The following RHOBTB1 variants were observed in gnomAD, a reference collection of about 807,000 sequenced individuals.
The protein encoded by RHOBTB1 is Rho related BTB domain containing 1.
A neutral mutation model predicts 71.6 loss-of-function variants in RHOBTB1; 40 were observed. The observed-to-expected ratio is 0.56, with a 90% CI of 0.43 to 0.73. The LOEUF (loss-of-function observed/expected upper bound fraction) is 0.73, where lower values mean the gene tolerates loss of function less well. Among genes scored for constraint, RHOBTB1 ranks in the 30% least tolerant of loss-of-function variants. The pLI, the probability that RHOBTB1 is intolerant of heterozygous loss-of-function variation, is 0.00. For missense variants in RHOBTB1, 797 were observed against 894.0 expected, an observed-to-expected ratio of 0.89 and a Z score of 1.38; for synonymous variants, 319 against 334.9, an observed-to-expected ratio of 0.95 and a Z score of 0.52.
At chr10:60,943,110 A>G (rs2085001546) in intron 1 of RHOBTB1, among the ~76,000 whole-genome samples, 1 of 152,132 alleles carries the variant, frequency 6.6e-6, no homozygotes, top group Non-Finnish European at 1.5e-5. Context: ...GCCCCCAGCA[A>G]TTGTGTACAG....
intron 2 of RHOBTB1, among the ~76,000 whole-genome samples, chr10:60,920,345 A>C (rs1456877918): frequency 6.6e-6 from 1 of 152,142 alleles, no homozygotes; most frequent in Non-Finnish European, 1.5e-5. Context: ...AGAAAAAATA[A>C]TGGATGGGAA....
At chr10:60,990,274 T>C (rs1219968676) in intron 1 of RHOBTB1, among the ~76,000 whole-genome samples, 2 of 152,076 alleles carry the variant, frequency 1.3e-5, no homozygotes, top group Admixed American at 1.3e-4. Context: ...TCAGCCACCG[T>C]GCCCGGCCAA....
intron 2 of RHOBTB1, among the ~76,000 whole-genome samples, chr10:60,960,901 T>G (rs1312170906): frequency 6.6e-6 from 1 of 152,094 alleles, no homozygotes; most frequent in Non-Finnish European, 1.5e-5. Flanking sequence ...GACAGCAGGA[T>G]TGTGGTCATT....
At chr10:60,967,866 G>T (rs2086024137) in intron 2 of RHOBTB1, among the ~76,000 whole-genome samples, 1 of 152,044 alleles carries the variant, frequency 6.6e-6, no homozygotes, top group South Asian at 2.1e-4. Context: ...TTTCATTTGT[G>T]TTCAGAAGTT....
At chr10:60,893,071 A>G in intron 4 of RHOBTB1, 76 bp from the exon 5 acceptor site, 4 of 1,098,614 alleles carry the variant, frequency 3.6e-6, no homozygotes, top group Non-Finnish European at 5.3e-6. Context: ...TTCCTCTCAA[A>G]CCCCATCCTT....
At chr10:60,935,091 C>T (rs1289228578) in intron 2 of RHOBTB1, among the ~76,000 whole-genome samples, 3 of 152,030 alleles carry the variant, frequency 2.0e-5, no homozygotes, top group Admixed American at 1.3e-4. Flanking sequence ...AACAACCCAT[C>T]AACAGTAAAA....
At chr10:60,906,754 T>C (rs1346720013) in intron 4 of RHOBTB1, among the ~76,000 whole-genome samples, 3 of 152,180 alleles carry the variant, frequency 2.0e-5, no homozygotes, top group Admixed American at 1.3e-4. Flanking sequence ...ATTCAGTGTC[T>C]GAAGGTTCTC....
At chr10:60,971,483 G>A (rs2086156065) in intron 2 of RHOBTB1, among the ~76,000 whole-genome samples, 1 of 152,118 alleles carries the variant, frequency 6.6e-6, no homozygotes, top group Admixed American at 6.5e-5. Context: ...GGGAAAACTG[G>A]CTAGCCATAT....
chr10:60,929,524 A>C (rs1163422525), intron 2 of RHOBTB1, among the ~76,000 whole-genome samples: 1 of 152,134 alleles, frequency 6.6e-6, no homozygotes, highest in Non-Finnish European at 1.5e-5. Flanking sequence ...AAAAACAAAC[A>C]AACAAAAGGT....
chr10:60,886,691 C>T (rs952109235), intron 6 of RHOBTB1, among the ~76,000 whole-genome samples: 3 of 145,566 alleles, frequency 2.1e-5, no homozygotes, highest in South Asian at 2.2e-4. Flanking sequence ...AAAATGTAAC[C>T]GAATTACTGT....
chr10:60,988,968 T>C (rs1342194951), intron 1 of RHOBTB1, among the ~76,000 whole-genome samples: 1 of 152,230 alleles, frequency 6.6e-6, no homozygotes, highest in Non-Finnish European at 1.5e-5. Context: ...GTTTACAGTC[T>C]AGCTAGGGAA....
upstream of RHOBTB1, among the ~76,000 whole-genome samples, chr10:60,946,051 G>A (rs1360561631): frequency 6.6e-6 from 1 of 152,130 alleles, no homozygotes; most frequent in African/African-American, 2.4e-5. Flanking sequence ...GGTGGCGCAC[G>A]CCTGTAGTCC....
At chr10:60,993,722 G>A (rs543698663) in intron 1 of RHOBTB1, among the ~76,000 whole-genome samples, 1 of 150,762 alleles carries the variant, frequency 6.6e-6, no homozygotes, top group South Asian at 2.1e-4. Context: ...TTTTCTGTAG[G>A]CCCTAAATCC....
intron 1 of RHOBTB1, among the ~76,000 whole-genome samples, chr10:61,001,101 G>A (rs2087250893): frequency 6.6e-6 from 1 of 151,890 alleles, no homozygotes; most frequent in Non-Finnish European, 1.5e-5. Context: ...TGTGTGTGCT[G>A]GGGGACGCTT....
chr10:60,976,206 C>T (rs1001943068), intron 2 of RHOBTB1, among the ~76,000 whole-genome samples: 6 of 151,862 alleles, frequency 4.0e-5, no homozygotes, highest in Non-Finnish European at 8.8e-5. Context: ...AACAGCATTT[C>T]ATTAGGATAT....
intron 7 of RHOBTB1, among the ~76,000 whole-genome samples, chr10:60,879,666 G>T (rs924501640): frequency 4.0e-5 from 6 of 151,806 alleles, no homozygotes; most frequent in Non-Finnish European, 4.4e-5. Flanking sequence ...TCTTAATTCT[G>T]GTACTTAATA....
chr10:60,898,836 C>A (rs2082277415), intron 4 of RHOBTB1, among the ~76,000 whole-genome samples: 1 of 152,146 alleles, frequency 6.6e-6, no homozygotes, highest in African/African-American at 2.4e-5. Context: ...AGTCTTCCAC[C>A]ACCCTCTGAA....
At chr10:60,966,149 T>C (rs1363999010) in intron 2 of RHOBTB1, among the ~76,000 whole-genome samples, 1 of 152,032 alleles carries the variant, frequency 6.6e-6, no homozygotes, top group Non-Finnish European at 1.5e-5. Context: ...AAGATTGAGA[T>C]GTTTGCAAAA....
At chr10:60,882,504 T>A (rs574905595) in intron 7 of RHOBTB1, among the ~76,000 whole-genome samples, 190 of 152,276 alleles carry the variant, frequency 1.2e-3, no homozygotes, top group African/African-American at 4.3e-3. Context: ...TTCCTGAATA[T>A]TAAATGACAA....
Sources: allele counts gnomAD v4.1 joint callset (sites outside exome capture counted in the v4.1 genomes callset), GRCh38; gene constraint gnomAD v4.1.1; transcripts MANE v1.5; gene names NCBI Gene and HGNC (gene_info 2026-07-23, HGNC 2026-07-21).